Variants in NREP observed in about 807,000 individuals in gnomAD.
The protein encoded by NREP is neuronal regeneration-related protein.
In NREP, 5 loss-of-function variants were observed where a neutral mutation model predicts 8.6. That is an observed-to-expected ratio of 0.58 (90% CI 0.30 to 1.22). The LOEUF (loss-of-function observed/expected upper bound fraction) is 1.22. Among genes scored for constraint, NREP ranks in the 50% most tolerant of loss-of-function variants. The pLI is 0.07. For synonymous variants in NREP, 27 were observed against 28.0 expected, an observed-to-expected ratio of 0.96 and a Z score of 0.11; for missense variants, 86 against 82.5, an observed-to-expected ratio of 1.04 and a Z score of -0.17.
chr5:111,938,090 A>G (rs1755731925), intron 2 of NREP, among the ~76,000 whole-genome samples: 1 of 151,904 alleles, frequency 6.6e-6, no homozygotes, highest in Non-Finnish European at 1.5e-5. Flanking sequence ...GTGTCCATCC[A>G]GTCCTTCTAA....
chr5:111,966,825 T>G (rs917835831), intron 2 of NREP, among the ~76,000 whole-genome samples: 1 of 152,218 alleles, frequency 6.6e-6, no homozygotes, highest in Non-Finnish European at 1.5e-5. Flanking sequence ...CAATCTGTTT[T>G]TTGTCCACTA....
At chr5:111,908,311 G>A (rs1424180574) in intron 2 of NREP, among the ~76,000 whole-genome samples, 5 of 151,944 alleles carry the variant, frequency 3.3e-5, no homozygotes, top group Non-Finnish European at 5.9e-5. Flanking sequence ...GATTCAGGGG[G>A]TATATGTGTA....
chr5:111,748,493 C>T (rs1408473776), intron 2 of NREP, among the ~76,000 whole-genome samples: 1 of 152,110 alleles, frequency 6.6e-6, no homozygotes, highest in East Asian at 1.9e-4. Flanking sequence ...ATTCCGCAGA[C>T]AGTTGTTGAT....
At chr5:111,889,844 A>C (rs1754351784) in intron 2 of NREP, among the ~76,000 whole-genome samples, 1 of 152,068 alleles carries the variant, frequency 6.6e-6, no homozygotes. Flanking sequence ...AGGTAGTGGA[A>C]AATTACAGTT....
chr5:111,914,844 A>G lies in NREP; in HGVS notation c.135+60430T>C, dbSNP rs1162228117. 2.0e-5 allele frequency among the ~76,000 whole-genome samples: 3 copies of G among 152,258 alleles called. No individual in the cohort carries two copies. In the East Asian group the frequency reaches 5.8e-4, roughly 29 times the overall value. On this transcript the variant is annotated intron_variant, in intron 2 of 3. Coordinates refer to the NREP transcript ENST00000395634. ...CTTAGGTTGTTAGAAAAGCTTAAAC[A>G]TGCAATTTTATCTGATATGAACTTA...
intron 2 of NREP, among the ~76,000 whole-genome samples, chr5:111,819,445 T>C (rs893296823): frequency 8.5e-5 from 13 of 152,222 alleles, no homozygotes; most frequent in Non-Finnish European, 1.8e-4. Flanking sequence ...CATTACTCCA[T>C]CTGCAAGTCG....
intron 2 of NREP, among the ~76,000 whole-genome samples, chr5:111,931,428 G>C (rs546615090): frequency 4.6e-5 from 7 of 152,078 alleles, no homozygotes; most frequent in Admixed American, 2.0e-4. Context: ...CCCACATGGT[G>C]TGGAGTTTAG....
chr5:111,878,746 C>T (rs899632847), intron 2 of NREP, among the ~76,000 whole-genome samples: 9 of 152,162 alleles, frequency 5.9e-5, no homozygotes, highest in African/African-American at 1.7e-4. Flanking sequence ...TCCCCCACCC[C>T]CCTGCCACTT....
At chr5:111,825,051 G>A (rs1467518144) in intron 2 of NREP, among the ~76,000 whole-genome samples, 3 of 152,108 alleles carry the variant, frequency 2.0e-5, no homozygotes, top group Non-Finnish European at 2.9e-5. Flanking sequence ...TAAGAACTGT[G>A]ATGTATTACA....
intron 2 of NREP, among the ~76,000 whole-genome samples, chr5:111,901,552 A>G (rs145415927): frequency 0.016 from 2,457 of 152,194 alleles, 31 homozygotes; most frequent in Non-Finnish European, 0.023. Context: ...ATGATCTTAT[A>G]TATAGAAAAA....
chr5:111,856,189 C>T (rs1753423578), intron 2 of NREP, among the ~76,000 whole-genome samples: 1 of 152,294 alleles, frequency 6.6e-6, no homozygotes, highest in African/African-American at 2.4e-5. Context: ...GTTACCAAAT[C>T]TAGCTGCTTT....
At chr5:111,940,663 G>A (rs1257882897) in intron 2 of NREP, among the ~76,000 whole-genome samples, 1 of 151,976 alleles carries the variant, frequency 6.6e-6, no homozygotes, top group East Asian at 1.9e-4. Context: ...GAGAAGAGAG[G>A]CAGGTGACCT....
chr5:111,756,042 T>A, intron 1 of NREP: 2 of 1,335,058 alleles, frequency 1.5e-6, no homozygotes, highest in Non-Finnish European at 1.9e-6. Context: ...GTACTTGGCT[T>A]TGCAGAGTCC....
rs750050448 is a variant in NREP at position 111,950,885 on chromosome 5, T to C, written c.135+24389A>G. 3.9e-5 allele frequency among the ~76,000 whole-genome samples: 6 copies of C among 152,020 alleles called. 1 individual carries two copies. Among genetic ancestry groups the C allele is most frequent in the Non-Finnish European group, 7.4e-5 (5 of 67,984 alleles). On this transcript the variant is annotated intron_variant, in intron 2 of 3. Transcript: ENST00000395634. ...TCTAGGAAATAGTATGAGTACTGCT[T>C]TACTCACCATTTGTGCATCCTCCAT...
At chr5:111,895,196 ACCTTGCTACAC>A (rs1299311153) in intron 2 of NREP, among the ~76,000 whole-genome samples, 1 of 152,214 alleles carries the variant, frequency 6.6e-6, no homozygotes, top group Non-Finnish European at 1.5e-5. Flanking sequence ...TTATCCTCAA[ACCTTGCTACAC>A]CCTTTAGAGA....
chr5:111,815,564 T>C (rs1342523401), intron 2 of NREP, among the ~76,000 whole-genome samples: 1 of 151,848 alleles, frequency 6.6e-6, no homozygotes, highest in Admixed American at 6.6e-5. Flanking sequence ...AGTGAGAGTA[T>C]CTATAAAAAA....
chr5:111,859,030 A>G (rs1381912744), intron 2 of NREP, among the ~76,000 whole-genome samples: 1 of 152,144 alleles, frequency 6.6e-6, no homozygotes, highest in Non-Finnish European at 1.5e-5. Flanking sequence ...TCTACTCCAC[A>G]GCACTGCACA....
chr5:111,902,870 A>G (rs960781753), intron 2 of NREP, among the ~76,000 whole-genome samples: 5 of 152,128 alleles, frequency 3.3e-5, no homozygotes, highest in East Asian at 1.9e-4. Context: ...AATCTTAAAA[A>G]AAATCTGTAA....
chr5:111,901,423 T>C (rs772839941), intron 2 of NREP, among the ~76,000 whole-genome samples: 2 of 152,100 alleles, frequency 1.3e-5, no homozygotes, highest in Admixed American at 6.5e-5. Flanking sequence ...GGAACATGAC[T>C]AGGATGCCCA....
Sources: gnomAD v4.1 joint callset for allele counts (sites outside exome capture counted in the v4.1 genomes callset) on GRCh38, gnomAD v4.1.1 for gene constraint, MANE v1.5 for transcripts, NCBI Gene and HGNC (gene_info 2026-07-23, HGNC 2026-07-21) for gene names.